Variants in NCALD observed in about 807,000 individuals in gnomAD.
NCALD encodes neurocalcin-delta.
A neutral mutation model predicts 18.6 loss-of-function variants in NCALD; 10 were observed. That is an observed-to-expected ratio of 0.54 (90% CI 0.33 to 0.91). The LOEUF (loss-of-function observed/expected upper bound fraction) is 0.91, where lower values mean the gene tolerates loss of function less well. NCALD is among the 40% of genes least tolerant of loss of function. NCALD has a pLI of 0.03. For synonymous variants in NCALD, 88 were observed against 87.4 expected (o/e 1.01, Z -0.04); for missense variants, 184 against 247.6 (o/e 0.74, Z 1.72).
intron 1 of NCALD, among the ~76,000 whole-genome samples, chr8:102,086,322 G>T (rs1009376356): frequency 1.3e-5 from 2 of 152,184 alleles, no homozygotes; most frequent in Non-Finnish European, 2.9e-5. Context: ...TCCAGGTCTG[G>T]TGATGTTGGG....
chr8:101,982,040 G>C (rs1048034147), intron 2 of NCALD, among the ~76,000 whole-genome samples: 6 of 152,092 alleles, frequency 3.9e-5, no homozygotes, highest in Non-Finnish European at 8.8e-5. Context: ...CACCTCCTCT[G>C]TCTCTTTCTT....
At chr8:101,788,796 T>A (rs1048037635) in intron 1 of NCALD, 1 of 152,216 alleles carries the variant, frequency 6.6e-6, no homozygotes, top group Non-Finnish European at 1.5e-5. Flanking sequence ...CTTGCCAGCA[T>A]CTTTTGAAGC....
At chr8:102,031,410 T>C (rs1822665568) in intron 1 of NCALD, among the ~76,000 whole-genome samples, 1 of 152,202 alleles carries the variant, frequency 6.6e-6, no homozygotes, top group African/African-American at 2.4e-5. Context: ...GTAATGGTTA[T>C]TTATGAAGTG....
At chr8:101,908,767 G>A (rs1369342462) in intron 3 of NCALD, among the ~76,000 whole-genome samples, 1 of 152,108 alleles carries the variant, frequency 6.6e-6, no homozygotes, top group Non-Finnish European at 1.5e-5. Flanking sequence ...CTACAATAAG[G>A]GAGGAAGCTA....
chr8:102,074,481 G>C (rs1363554806), intron 1 of NCALD, among the ~76,000 whole-genome samples: 1 of 152,168 alleles, frequency 6.6e-6, no homozygotes, highest in Non-Finnish European at 1.5e-5. Context: ...TGGTGTGACA[G>C]CTGATTCTGA....
intron 4 of NCALD, among the ~76,000 whole-genome samples, chr8:101,814,916 T>A (rs977611319): frequency 1.3e-5 from 2 of 152,002 alleles, no homozygotes; most frequent in Non-Finnish European, 2.9e-5. Flanking sequence ...ATCTAACAAA[T>A]ATATATGAGA....
intron 1 of NCALD, among the ~76,000 whole-genome samples, chr8:102,085,563 T>C (rs1359187348): frequency 6.6e-6 from 1 of 150,628 alleles, no homozygotes; most frequent in African/African-American, 2.5e-5. Flanking sequence ...AAGACCAGCC[T>C]GGCCACCATG....
chr8:102,014,234 G>A (rs909753471), intron 2 of NCALD, among the ~76,000 whole-genome samples: 1 of 152,182 alleles, frequency 6.6e-6, no homozygotes, highest in Non-Finnish European at 1.5e-5. Context: ...CAAAGTGCCA[G>A]CAGATTCGGA....
At chr8:101,848,585 G>C (rs750813910) in intron 4 of NCALD, among the ~76,000 whole-genome samples, 1 of 152,158 alleles carries the variant, frequency 6.6e-6, no homozygotes, top group Non-Finnish European at 1.5e-5. Context: ...TTTATATGGA[G>C]AGTCACATTG....
chr8:101,892,229 G>A (rs367846760), intron 3 of NCALD, among the ~76,000 whole-genome samples: 1 of 148,976 alleles, frequency 6.7e-6, no homozygotes, highest in South Asian at 2.1e-4. Flanking sequence ...AGCCGAACTG[G>A]GAGGCACCCC....
intron 4 of NCALD, among the ~76,000 whole-genome samples, chr8:101,854,615 GTTTA>G (rs747408070): frequency 6.6e-6 from 1 of 152,170 alleles, no homozygotes; most frequent in Non-Finnish European, 1.5e-5. Flanking sequence ...TTGATCAATA[GTTTA>G]TTTAAGTTCC....
At chr8:102,058,090 T>C (rs1823717827) in intron 1 of NCALD, among the ~76,000 whole-genome samples, 1 of 152,072 alleles carries the variant, frequency 6.6e-6, no homozygotes, top group African/African-American at 2.4e-5. Flanking sequence ...GCCAGCAAGG[T>C]CTCCTTTTAT....
chr8:101,840,813 CATTT>C (rs1814613790), intron 4 of NCALD, among the ~76,000 whole-genome samples: 1 of 152,076 alleles, frequency 6.6e-6, no homozygotes, highest in Non-Finnish European at 1.5e-5. Context: ...TTTATTACAC[CATTT>C]ATTACTTATG....
intron 1 of NCALD, among the ~76,000 whole-genome samples, chr8:101,720,246 G>A (rs934800728): frequency 1.3e-5 from 2 of 152,162 alleles, no homozygotes; most frequent in Non-Finnish European, 2.9e-5. Context: ...GGATTTAAAC[G>A]CATGGAATAA....
chr8:101,980,279 A>ATG (rs1397363677), intron 2 of NCALD, among the ~76,000 whole-genome samples: 18 of 152,198 alleles, frequency 1.2e-4, no homozygotes, highest in Middle Eastern at 3.2e-3. Context: ...ATGCTGTGTC[A>ATG]CAGTTATGCC....
chr8:102,079,973 A>T (rs1824472144), intron 1 of NCALD, among the ~76,000 whole-genome samples: 1 of 152,212 alleles, frequency 6.6e-6, no homozygotes, highest in Non-Finnish European at 1.5e-5. Flanking sequence ...AGAACTACTG[A>T]TTCTTCTGCC....
At chr8:101,825,011 T>C (rs1813874310) in intron 4 of NCALD, among the ~76,000 whole-genome samples, 1 of 152,196 alleles carries the variant, frequency 6.6e-6, no homozygotes, top group African/African-American at 2.4e-5. Context: ...TCATTTTGTT[T>C]CCCTCTTCTT....
chr8:102,032,987 C>T (rs924058825), intron 1 of NCALD, among the ~76,000 whole-genome samples: 1 of 152,098 alleles, frequency 6.6e-6, no homozygotes, highest in East Asian at 1.9e-4. Context: ...TGCTATGGTG[C>T]GTGAATTACA....
rs182120016 is a variant in NCALD at position 101,980,311 on chromosome 8, G to A, written c.-157+39926C>T. ...TGCCATGTCTTCTGGCACAGGCGGCGTTTTACTGAAGGGGGAGGCATGCAC... is the reference window on the plus strand; with the variant it reads ...TGCCATGTCTTCTGGCACAGGCGGCATTTTACTGAAGGGGGAGGCATGCAC... On this transcript the variant is annotated intron_variant, in intron 2 of 6. Transcript: ENST00000311028. 5.4e-4 allele frequency among the ~76,000 whole-genome samples: 82 copies of A among 152,272 alleles called. 1 individual carries two copies. The highest frequency in any genetic ancestry group is 1.8e-3 in the African/African-American group (75 of 41,542).
Sources: allele counts gnomAD v4.1 joint callset (sites outside exome capture counted in the v4.1 genomes callset), GRCh38; gene constraint gnomAD v4.1.1; transcripts MANE v1.5; gene names NCBI Gene and HGNC (gene_info 2026-07-23, HGNC 2026-07-21).